Variants in REXO4 observed in about 807,000 individuals in gnomAD.
REXO4 encodes the protein REX4 homolog, 3'-5' exonuclease.
In REXO4, 29 loss-of-function variants were observed where a neutral mutation model predicts 39.9. That is an observed-to-expected ratio of 0.73 (90% CI 0.54 to 0.99). REXO4 has a LOEUF of 0.99. Ranked by LOEUF, REXO4 falls within the 50% of genes least tolerant of loss-of-function variation. The pLI, the probability that REXO4 is intolerant of heterozygous loss-of-function variation, is 0.00. For missense variants in REXO4, 524 were observed against 546.5 expected (o/e 0.96, Z 0.41); for synonymous variants, 184 against 206.2 (o/e 0.89, Z 0.92).
In REXO4 at chr9:133,407,834, G is replaced by C; in HGVS notation, c.1122C>G (p.Leu374=). 1 of 1,613,938 alleles carries C rather than the reference G, an allele frequency of 6.2e-7. No homozygotes were observed. Among genetic ancestry groups the C allele is most frequent in the Non-Finnish European group, 8.5e-7 (1 of 1,179,990 alleles). Residue 374 remains leucine (L), a synonymous_variant, in exon 7 of 8, where the codon CTC becomes CTG. Transcript: ENST00000371942. The stretch of plus-strand genomic sequence containing the variant: ...AACAGTGCTCCGCCTGCTGGACCTG[G>C]AGCCCAAGGATCTTCTCTGAAAGTA... The part of the protein sequence containing the change: ...LRLLSEKILG[L]QVQQAEHCSI...
intron 1 of REXO4, among the ~76,000 whole-genome samples, chr9:133,416,517 A>G (rs782319990): frequency 7.2e-5 from 11 of 152,164 alleles, no homozygotes; most frequent in South Asian, 4.1e-4. Context: ...AGGCTGAGGC[A>G]GGAGAATCAC....
In REXO4 at chr9:133,412,379, T is replaced by A. The variant is rs915484404; in HGVS notation, c.830A>T (p.Asp277Val). The change falls in exon 4 of 8, where the codon GAC (aspartate) becomes GTC (valine). Residue 277 changes from aspartate (D) to valine (V), a missense_variant. By Grantham distance (152) the Asp-to-Val change is radical. Coordinates refer to ENST00000371942, the MANE Select transcript of REXO4 (RefSeq NM_020385.4). ...GGGCTCGGTTGGTTTGACGTACTTG[T>A]CATAAACGCACTTCCCATACTGGTT... Reference protein sequence around the residue: ...IVNQYGKCVYDKYVKPTEPVT... With the variant: ...IVNQYGKCVYVKYVKPTEPVT... 3.1e-6 allele frequency: 5 copies of A among 1,613,994 alleles called. No individual in the cohort carries two copies. The East Asian group carries it at 8.9e-5, about 29-fold the overall frequency.
intron 6 of REXO4, among the ~76,000 whole-genome samples, chr9:133,408,449 A>G (rs1242836764): frequency 6.7e-6 from 1 of 148,160 alleles, no homozygotes; most frequent in Non-Finnish European, 1.5e-5. Flanking sequence ...ACAGAGCAAG[A>G]CCCTGTCTAA....
chr9:133,413,227 T>C (rs28683508), intron 2 of REXO4, among the ~76,000 whole-genome samples: 10,077 of 152,076 alleles, frequency 0.066, 439 homozygotes, highest in African/African-American at 0.13. Flanking sequence ...GCCTCCCTAG[T>C]AGCTGGGATT....
chr9:133,410,833 A>T (rs1839171083), intron 5 of REXO4, 152 bp downstream of exon 5: 1 of 637,578 alleles, frequency 1.6e-6, no homozygotes. Context: ...ACACAGTAAG[A>T]ACTCAGCACG....
chr9:133,414,590 C>G, intron 2 of REXO4, 75 bp downstream of exon 2: 2 of 1,331,628 alleles, frequency 1.5e-6, no homozygotes, highest in Non-Finnish European at 2.2e-6. Context: ...GTGAGGCCAC[C>G]AGCCTCCATA....
chr9:133,412,693 G>A, intron 3 of REXO4, 85 bp downstream of exon 3: 2 of 1,560,406 alleles, frequency 1.3e-6, no homozygotes, highest in Non-Finnish European at 1.7e-6. Context: ...ACCTCAGGGA[G>A]AGGAAAGCAT....
In REXO4 at chr9:133,406,638, A is replaced by T. The variant is rs1008950208; in HGVS notation, c.*315T>A. ...GATGGGCAGTGACAGCACCGTATGGACTGGCGGCCCACAGGCCCCAACCTC... is the reference window on the plus strand; with the variant it reads ...GATGGGCAGTGACAGCACCGTATGGTCTGGCGGCCCACAGGCCCCAACCTC... On this transcript the variant is annotated 3_prime_UTR_variant, in exon 8 of 8. Coordinates refer to ENST00000371942, the MANE Select transcript of REXO4 (RefSeq NM_020385.4). 2 of 398,452 alleles carry T rather than the reference A, an allele frequency of 5.0e-6. No individual in the cohort carries two copies. Among genetic ancestry groups the T allele is most frequent in the South Asian group, 5.2e-5 (2 of 38,676 alleles). 24.7% of individuals were successfully genotyped at this position (398,452 alleles called of 1,614,324 possible).
chr9:133,417,913 G>C lies in REXO4; in HGVS notation c.-69C>G, dbSNP rs587626367. 2,544 of 1,458,896 alleles carry C rather than the reference G, an allele frequency of 1.7e-3. No homozygotes were observed. Among genetic ancestry groups the C allele is most frequent in the Non-Finnish European group, 2.1e-3 (2,310 of 1,086,514 alleles). 90.4% of individuals were successfully genotyped at this position (1,458,896 alleles called of 1,614,324 possible). A position where few individuals can be genotyped will look rare whatever the true frequency, so the allele number is the denominator to read the frequency against. On this transcript the variant is annotated 5_prime_UTR_variant, in exon 1 of 8. Transcript: ENST00000371942. ...CGGCCTCCCCGGGCCCGGCGCCCTG[G>C]CAGCACAAGCGCCTGCCCAGGCCAG... is the stretch of plus-strand genomic sequence containing the variant.
In REXO4 at chr9:133,407,870, C is replaced by T. The variant is rs374600853; in HGVS notation, c.1086G>A (p.Pro362=). The change falls in exon 7 of 8, where the codon CCG becomes CCA. Residue 362 remains proline (P), a synonymous_variant. Transcript: ENST00000371942. ...TCTTCTCTGAAAGTAGTCTCAGAGACGGCCTTCCACTCTGCAAAGGGGGAA... is the reference window on the plus strand; with the variant it reads ...TCTTCTCTGAAAGTAGTCTCAGAGATGGCCTTCCACTCTGCAAAGGGGGAA... ...PFKSQVKSGR[P]SLRLLSEKIL... 38 of 1,613,502 alleles carry T rather than the reference C, an allele frequency of 2.4e-5. No individual in the cohort carries two copies. The highest frequency in any genetic ancestry group is 3.3e-5 in the South Asian group (3 of 91,048).
chr9:133,411,465 C>T lies in REXO4; in HGVS notation c.911-392G>A, dbSNP rs587645211. On this transcript the variant is annotated intron_variant, in intron 4 of 7. Transcript: ENST00000371942. ...CCAAATGGAAATAAAAACAAAACTG[C>T]CCCCACAAAAATGGGTAGAGATGTG... 2.0e-5 allele frequency among the ~76,000 whole-genome samples: 3 copies of T among 152,288 alleles called. No individual in the cohort carries two copies. The East Asian group carries it at 5.8e-4, about 29-fold the overall frequency.
At chr9:133,417,016 G>A (rs782213899) in intron 1 of REXO4, among the ~76,000 whole-genome samples, 38 of 152,054 alleles carry the variant, frequency 2.5e-4, no homozygotes, top group Admixed American at 9.8e-4. Flanking sequence ...GTGTTCTTTC[G>A]TTGTTGTTGT....
At position 133,417,808 on chromosome 9, in the gene REXO4, G is replaced by T; in HGVS notation, c.37C>A (p.Pro13Thr). The T allele has an allele frequency of 1.9e-6, 3 of 1,606,070 alleles. No homozygotes were observed. Among genetic ancestry groups the T allele is most frequent in the Non-Finnish European group, 2.5e-6 (3 of 1,179,790 alleles). The change falls in exon 1 of 8, where the codon CCG becomes ACG. Residue 13 changes from proline to threonine, a missense_variant. Pro to Thr is a conservative substitution (Grantham distance 38, BLOSUM62 -1). Transcript: ENST00000371942. ...KAKVPASKRA[P>T]SSPVAKPGPV... ...CCCGGCTTAGCCACGGGGCTGCTCG[G>T]GGCGCGCTTGGAGGCGGGGACCTTC...
intron 1 of REXO4, 143 bp downstream of exon 1, chr9:133,417,477 A>C: frequency 1.2e-6 from 1 of 832,354 alleles, no homozygotes; most frequent in East Asian, 2.5e-5. Flanking sequence ...TCAACAGGCC[A>C]CCTTTCTTGT....
At chr9:133,412,645 G>T in intron 3 of REXO4, 133 bp downstream of exon 3, 1 of 1,431,910 alleles carries the variant, frequency 7.0e-7, no homozygotes, top group Non-Finnish European at 9.5e-7. Context: ...GTGTGGTCCT[G>T]GTTCTTAGCA....
Position 133,417,753 on chromosome 9 carries a change from T to C in REXO4, c.92A>G (p.Asn31Ser), listed in dbSNP as rs782256464. ...GPVKTLTRKKNKKKKRFWKSK... is the reference protein window; with the variant it reads ...GPVKTLTRKKSKKKKRFWKSK... Reference sequence around the variant, plus strand: ...TTTCCAAAACCTTTTTTTCTTCTTGTTTTTCTTCCGAGTGAGCGTCTTGAC... The same window carrying C: ...TTTCCAAAACCTTTTTTTCTTCTTGCTTTTCTTCCGAGTGAGCGTCTTGAC... Residue 31 changes from asparagine to serine, a missense_variant, in exon 1 of 8, where the codon AAC becomes AGC. By Grantham distance (46) the Asn-to-Ser change is conservative (BLOSUM62 1). Coordinates refer to ENST00000371942, the MANE Select transcript of REXO4 (RefSeq NM_020385.4). The C allele has an allele frequency of 3.1e-6, 5 of 1,613,348 alleles. No homozygotes were observed. In the African/African-American group the frequency reaches 6.7e-5, roughly 22 times the overall value.
chr9:133,411,190 A>G lies in REXO4; in HGVS notation c.911-117T>C, dbSNP rs1588132737. ...CCTAAGACAAATGGTCAGGCCTGCA[A>G]TGCCACTACGGAGGGTGACTCGAAG... On this transcript the variant is annotated intron_variant, in intron 4 of 7. Transcript: ENST00000371942. 27 of 815,130 alleles carry G rather than the reference A, an allele frequency of 3.3e-5. 1 individual carries two copies. In the South Asian group the frequency reaches 3.8e-4, roughly 11 times the overall value. 50.5% of individuals were successfully genotyped at this position (815,130 alleles called of 1,614,324 possible).
chr9:133,406,743 CG>C lies in REXO4; in HGVS notation c.*209del. On this transcript the variant is annotated 3_prime_UTR_variant, in exon 8 of 8. Coordinates refer to ENST00000371942, the MANE Select transcript of REXO4 (RefSeq NM_020385.4). ...GTCCCTGCTCCCCACCCTGACCATCCGGGCCCAAACACACATGGACAGTAAG... is the reference window on the plus strand; with the variant it reads ...GTCCCTGCTCCCCACCCTGACCATCCGGCCCAAACACACATGGACAGTAAG... The C allele has an allele frequency of 1.4e-6, 1 of 701,888 alleles. No individual in the cohort carries two copies. Among genetic ancestry groups the C allele is most frequent in the Non-Finnish European group, 2.3e-6 (1 of 434,992 alleles). 43.5% of individuals were successfully genotyped at this position (701,888 alleles called of 1,614,324 possible). A position where few individuals can be genotyped will look rare whatever the true frequency, so the allele number is the denominator to read the frequency against.
Position 133,411,908 on chromosome 9 carries a change from A to C in REXO4, c.910+391T>G, listed in dbSNP as rs137891360. Among the ~76,000 whole-genome samples, 605 of 152,248 alleles carry C rather than the reference A, an allele frequency of 4.0e-3. 4 individuals carry two copies. Among genetic ancestry groups the C allele is most frequent in the African/African-American group, 0.014 (586 of 41,572 alleles). On this transcript the variant is annotated intron_variant, in intron 4 of 7. Transcript: ENST00000371942. ...GCCATTGCACTTCAGCCTGGGCAAC[A>C]AGAGCAAAACTCCATCTCAAAAAAA...
Sources: allele counts gnomAD v4.1 joint callset (sites outside exome capture counted in the v4.1 genomes callset), GRCh38; gene constraint gnomAD v4.1.1; transcripts MANE v1.5; gene names NCBI Gene and HGNC (gene_info 2026-07-23, HGNC 2026-07-21).